Variants in DLC1 observed in about 807,000 individuals in gnomAD.
DLC1 encodes the protein DLC1 Rho GTPase activating protein.
DLC1 carries 54 observed loss-of-function variants against 140.3 expected under a neutral mutation model. The observed-to-expected ratio is 0.38, with a 90% CI of 0.31 to 0.48. The LOEUF (loss-of-function observed/expected upper bound fraction) is 0.48. Among genes scored for constraint, DLC1 ranks in the 20% least tolerant of loss-of-function variants. DLC1 has a pLI of 0.96. For synonymous variants in DLC1, 986 were observed against 728.1 expected, an observed-to-expected ratio of 1.35 and a Z score of -5.70; for missense variants, 2,536 against 1,907.0, an observed-to-expected ratio of 1.33 and a Z score of -6.14.
chr8:13,294,114 T>C (rs1320470485), intron 5 of DLC1, among the ~76,000 whole-genome samples: 1 of 152,226 alleles, frequency 6.6e-6, no homozygotes, highest in East Asian at 1.9e-4. Context: ...CATTCATTCC[T>C]CTGTCTCCGC....
At chr8:13,433,544 T>C (rs542648124) in intron 2 of DLC1, among the ~76,000 whole-genome samples, 2 of 152,326 alleles carry the variant, frequency 1.3e-5, no homozygotes, top group South Asian at 4.1e-4. Flanking sequence ...AATCCAACTA[T>C]AAGTTCCACA....
At chr8:13,116,189 T>C in intron 5 of DLC1, 3 of 985,554 alleles carry the variant, frequency 3.0e-6, no homozygotes, top group Non-Finnish European at 3.6e-6. Context: ...TCATCAGGTA[T>C]TAATCCAGTA....
At chr8:13,386,501 G>A (rs903331429) in intron 4 of DLC1, among the ~76,000 whole-genome samples, 16 of 152,202 alleles carry the variant, frequency 1.1e-4, no homozygotes, top group African/African-American at 3.9e-4. Flanking sequence ...AGGTGACCGT[G>A]AAGATGGAAT....
At chr8:13,283,396 A>C (rs543296843) in intron 5 of DLC1, among the ~76,000 whole-genome samples, 59 of 152,316 alleles carry the variant, frequency 3.9e-4, no homozygotes, top group Middle Eastern at 3.4e-3. Flanking sequence ...CTCTGAGAGA[A>C]GGTTTTAAAA....
In DLC1 at chr8:13,499,298, C is replaced by G. The variant is rs62637614; in HGVS notation, c.774G>C (p.Leu258Phe). Reference protein sequence around the residue: ...STCNVVQNEFLDTPCTNRGLP... With the variant: ...STCNVVQNEFFDTPCTNRGLP... ...GTCCTCTGTTTGTGCAAGGAGTATC[C>G]AAGAACTCATTTTGTACTACATTGC... The change falls in exon 2 of 18, where the codon TTG (leucine) becomes TTC (phenylalanine). Residue 258 changes from leucine to phenylalanine, a missense_variant. Transcript: ENST00000276297. The G allele has an allele frequency of 2.5e-6, 4 of 1,613,970 alleles. No individual in the cohort carries two copies. Among genetic ancestry groups the G allele is most frequent in the African/African-American group, 1.3e-5 (1 of 74,904 alleles).
chr8:13,415,360 CT>C (rs1405036713), intron 2 of DLC1, among the ~76,000 whole-genome samples: 2 of 150,158 alleles, frequency 1.3e-5, no homozygotes, highest in African/African-American at 4.9e-5. Flanking sequence ...TAATTTTCCC[CT>C]TCATCTTCTC....
intron 1 of DLC1, among the ~76,000 whole-genome samples, chr8:13,598,142 C>A (rs965083956): frequency 2.6e-5 from 4 of 151,558 alleles, no homozygotes; most frequent in African/African-American, 4.9e-5. Flanking sequence ...TCTTTACAAA[C>A]AATTAAAATT....
intron 5 of DLC1, among the ~76,000 whole-genome samples, chr8:13,127,683 C>T (rs1043744109): frequency 6.6e-6 from 1 of 152,220 alleles, no homozygotes; most frequent in Admixed American, 6.5e-5. Flanking sequence ...TCTTCCGTGG[C>T]TTCCTAAAGT....
intron 2 of DLC1, among the ~76,000 whole-genome samples, chr8:13,478,637 T>C (rs1007073675): frequency 6.6e-6 from 1 of 152,180 alleles, no homozygotes; most frequent in Non-Finnish European, 1.5e-5. Context: ...TCTCATCAGT[T>C]CAAGGCTATC....
At chr8:13,393,089 C>T (rs1226197948) in intron 4 of DLC1, among the ~76,000 whole-genome samples, 2 of 152,056 alleles carry the variant, frequency 1.3e-5, no homozygotes, top group Non-Finnish European at 2.9e-5. Context: ...CCATCTACAT[C>T]TATCTCTATC....
chr8:13,552,741 A>T (rs1343126222), intron 1 of DLC1, among the ~76,000 whole-genome samples: 1 of 151,878 alleles, frequency 6.6e-6, no homozygotes, highest in Non-Finnish European at 1.5e-5. Context: ...TTTTAAATGC[A>T]AGAAAATGAG....
rs1801682296 is a variant in DLC1 at position 13,499,469 on chromosome 8, T to A, written c.603A>T (p.Glu201Asp). ...CATTTACTTTGGGTGCATCTTTTAT[T>A]TCACTTAAGCTTATTTCATTGCAAA... ...LELCNEISLS[E>D]IKDAPKVNAV... is the part of the protein sequence containing the mutation. The change falls in exon 2 of 18, where the codon GAA becomes GAT. Residue 201 changes from glutamate to aspartate, a missense_variant. Physicochemically the swap from Glu to Asp is conservative, Grantham distance 45. Transcript: ENST00000276297. 1.2e-6 allele frequency: 2 copies of A among 1,613,978 alleles called. No homozygotes were observed. Among genetic ancestry groups the A allele is most frequent in the African/African-American group, 1.3e-5 (1 of 74,912 alleles).
intron 1 of DLC1, among the ~76,000 whole-genome samples, chr8:13,586,211 A>G (rs1478905189): frequency 6.6e-6 from 1 of 152,182 alleles, no homozygotes; most frequent in African/African-American, 2.4e-5. Context: ...GACTGTTTTA[A>G]GGTGGTAAGG....
At chr8:13,162,073 A>G (rs1000927553) in intron 5 of DLC1, among the ~76,000 whole-genome samples, 2 of 152,174 alleles carry the variant, frequency 1.3e-5, no homozygotes, top group Non-Finnish European at 1.5e-5. Flanking sequence ...AAAGTTTTTG[A>G]CTTTCATAAG....
At chr8:13,401,439 T>C (rs765784857) in intron 3 of DLC1, 31 bp downstream of exon 3, 8 of 1,609,256 alleles carry the variant, frequency 5.0e-6, no homozygotes, top group Non-Finnish European at 6.8e-6. Flanking sequence ...ACGACTCCTA[T>C]GGGAAAAGAA....
intron 1 of DLC1, among the ~76,000 whole-genome samples, chr8:13,549,172 A>C (rs1415769792): frequency 6.6e-6 from 1 of 152,036 alleles, no homozygotes; most frequent in African/African-American, 2.4e-5. Flanking sequence ...TCTTAAGTAG[A>C]AATTAAATCA....
chr8:13,146,892 C>T (rs1463429748), intron 5 of DLC1, among the ~76,000 whole-genome samples: 1 of 152,170 alleles, frequency 6.6e-6, no homozygotes, highest in Non-Finnish European at 1.5e-5. Context: ...AATGCTTTGA[C>T]ATCTGCATGG....
At chr8:13,274,231 G>A (rs1331103118) in intron 5 of DLC1, among the ~76,000 whole-genome samples, 1 of 152,204 alleles carries the variant, frequency 6.6e-6, no homozygotes, top group Non-Finnish European at 1.5e-5. Context: ...GTTTGGCTGT[G>A]CACCAAGTCA....
intron 4 of DLC1, among the ~76,000 whole-genome samples, chr8:13,376,457 G>T (rs904677282): frequency 6.6e-6 from 1 of 152,066 alleles, no homozygotes; most frequent in Non-Finnish European, 1.5e-5. Context: ...CATCTATGAG[G>T]TGTAGAACCC....
Sources: allele counts gnomAD v4.1 joint callset (sites outside exome capture counted in the v4.1 genomes callset), GRCh38; gene constraint gnomAD v4.1.1; transcripts MANE v1.5; gene names NCBI Gene and HGNC (gene_info 2026-07-23, HGNC 2026-07-21).